SLC16A2: variants seen among roughly 807,000 people sequenced by gnomAD.
SLC16A2 encodes monocarboxylate transporter 8.
SLC16A2 carries 3 observed loss-of-function variants against 27.2 expected under a neutral mutation model. The observed-to-expected ratio is 0.11, with a 90% CI of 0.05 to 0.28. The LOEUF is 0.28. Ranked by LOEUF, SLC16A2 falls within the 10% of genes least tolerant of loss-of-function variation. The pLI, the probability that SLC16A2 is intolerant of heterozygous loss-of-function variation, is 1.00. For missense variants in SLC16A2, 295 were observed against 458.5 expected (o/e 0.64, Z 3.26); for synonymous variants, 202 against 187.8 (o/e 1.08, Z -0.62).
Position 74,453,063 on chromosome X carries a change from T to TC in SLC16A2, c.430+30996_430+30997insC, listed in dbSNP as rs1198707883. Among the ~76,000 whole-genome samples, 691 of 108,916 alleles carry TC rather than the reference T, an allele frequency of 6.3e-3. 2 individuals carry two copies. Among genetic ancestry groups the TC allele is most frequent in the African/African-American group, 0.022 (657 of 29,812 alleles). The allele number at this position is 108,916 out of a possible 115,157, so 94.6% of individuals were successfully genotyped here. A position where few individuals can be genotyped will look rare whatever the true frequency, so the allele number is the denominator to read the frequency against. ...TGCTGTGCAGGTTGCTTTTTTTTTT[T>TC]TTTAGACAGGGTCTCGCTCTGCCAC... On this transcript the variant is annotated intron_variant, in intron 1 of 5. Transcript: ENST00000587091.
intron 1 of SLC16A2, among the ~76,000 whole-genome samples, chrX:74,439,366 G>C (rs1412013737): frequency 3.0e-5 from 3 of 99,386 alleles, no homozygotes; most frequent in African/African-American, 1.1e-4. Flanking sequence ...CTGGAGTGCA[G>C]AGGTGTGATC....
At chrX:74,508,568 G>A (rs1930174924) in intron 1 of SLC16A2, among the ~76,000 whole-genome samples, 1 of 111,984 alleles carries the variant, frequency 8.9e-6, no homozygotes, top group Admixed American at 9.5e-5. Context: ...TAGCTTATTT[G>A]TTAGTTCTAG....
intron 1 of SLC16A2, among the ~76,000 whole-genome samples, chrX:74,428,877 T>A (rs1485486084): frequency 8.9e-6 from 1 of 111,945 alleles, no homozygotes; most frequent in Admixed American, 9.5e-5. Context: ...TCTTTTCAAA[T>A]CCTGACTATC....
chrX:74,447,930 G>T (rs770256998), intron 1 of SLC16A2, among the ~76,000 whole-genome samples: 38 of 111,025 alleles, frequency 3.4e-4, no homozygotes, highest in African/African-American at 1.2e-3. Flanking sequence ...AGGTTGCAGT[G>T]AGCTGAGATC....
intron 1 of SLC16A2, chrX:74,477,015 C>T: frequency 8.9e-6 from 1 of 112,165 alleles, no homozygotes; most frequent in South Asian, 3.7e-4. Flanking sequence ...GGAGGATTCC[C>T]TCTTTTTCTA....
At chrX:74,445,638 T>A (rs1404659759) in intron 1 of SLC16A2, among the ~76,000 whole-genome samples, 1 of 103,744 alleles carries the variant, frequency 9.6e-6, no homozygotes, top group African/African-American at 3.5e-5. Flanking sequence ...TAGCTCTTAC[T>A]GTTAGAGCTA....
In SLC16A2 at chrX:74,533,561, G is replaced by GAC. The variant is rs1930604996; in HGVS notation, c.*2008_*2009insAC. The GAC allele has an allele frequency of 1.8e-5, 2 of 112,593 alleles. No individual in the cohort carries two copies. The highest frequency in any genetic ancestry group is 3.8e-5 in the Non-Finnish European group (2 of 53,278). 9.3% of individuals were successfully genotyped at this position (112,593 alleles called of 1,213,427 possible). A position where few individuals can be genotyped will look rare whatever the true frequency, so the allele number is the denominator to read the frequency against. ...CACCAAGTCACCAGAGGGTGGTTCT[G>GAC]TAGGACCTCTTTTGTTGCTTAAGAT... On this transcript the variant is annotated 3_prime_UTR_variant, in exon 6 of 6. Coordinates refer to ENST00000587091, the MANE Select transcript of SLC16A2 (RefSeq NM_006517.5).
At chrX:74,436,920 C>T (rs1174412630) in intron 1 of SLC16A2, among the ~76,000 whole-genome samples, 1 of 112,212 alleles carries the variant, frequency 8.9e-6, no homozygotes, top group African/African-American at 3.2e-5. Flanking sequence ...ATGTTTTTCT[C>T]ATTTGATGGT....
At chrX:74,455,940 C>T (rs1018289223) in intron 1 of SLC16A2, among the ~76,000 whole-genome samples, 4 of 111,937 alleles carry the variant, frequency 3.6e-5, no homozygotes, top group African/African-American at 1.3e-4. Flanking sequence ...TTGAATGGCA[C>T]CCACTGTTCA....
At chrX:74,460,186 G>T (rs1057090109) in intron 1 of SLC16A2, among the ~76,000 whole-genome samples, 12 of 112,024 alleles carry the variant, frequency 1.1e-4, no homozygotes, top group African/African-American at 3.9e-4. Flanking sequence ...CAAGGGTCTT[G>T]GCTGCTGCAC....
At chrX:74,422,211 C>A in intron 1 of SLC16A2, 144 bp downstream of exon 1, 1 of 636,259 alleles carries the variant, frequency 1.6e-6, no homozygotes, top group Non-Finnish European at 2.5e-6. Context: ...TTGCCCCTTG[C>A]CCCTTTCCAT....
At chrX:74,449,971 T>C (rs1928908632) in intron 1 of SLC16A2, among the ~76,000 whole-genome samples, 1 of 112,320 alleles carries the variant, frequency 8.9e-6, no homozygotes, top group African/African-American at 3.2e-5. Context: ...CAGGGCACTA[T>C]AGACGACCAG....
intron 4 of SLC16A2, 147 bp downstream of exon 4, chrX:74,526,040 A>C (rs1241923293): frequency 1.5e-6 from 1 of 674,512 alleles, no homozygotes; most frequent in East Asian, 3.5e-5. Flanking sequence ...CCTGCTTTTA[A>C]ACAAAGAAAA....
At chrX:74,425,461 A>ATGAGCC (rs1928386886) in intron 1 of SLC16A2, among the ~76,000 whole-genome samples, 1 of 110,660 alleles carries the variant, frequency 9.0e-6, no homozygotes. Context: ...CAGGAGGGAA[A>ATGAGCC]TGAGCCTGTA....
chrX:74,421,558 G>C lies in SLC16A2; in HGVS notation c.-80G>C, dbSNP rs992231485. 8.9e-6 allele frequency: 10 copies of C among 1,123,544 alleles called. No individual in the cohort carries two copies. Among genetic ancestry groups the C allele is most frequent in the Admixed American group, 7.1e-5 (3 of 42,114 alleles). 92.6% of individuals were successfully genotyped at this position (1,123,544 alleles called of 1,213,427 possible). A position where few individuals can be genotyped will look rare whatever the true frequency, so the allele number is the denominator to read the frequency against. ...AGCGGCAGCAGCAGCCCTCCGAGCA[G>C]CAGCAGCTGCAGCAGCAGAAACAAG... On this transcript the variant is annotated 5_prime_UTR_variant, in exon 1 of 6. Coordinates refer to ENST00000587091, the MANE Select transcript of SLC16A2 (RefSeq NM_006517.5).
chrX:74,518,046 C>T (rs1278568629), intron 1 of SLC16A2, among the ~76,000 whole-genome samples: 2 of 111,316 alleles, frequency 1.8e-5, no homozygotes, highest in African/African-American at 3.3e-5. Flanking sequence ...GGGTTGTTTC[C>T]AGATTTGCAC....
At chrX:74,510,619 T>C (rs1308227697) in intron 1 of SLC16A2, among the ~76,000 whole-genome samples, 2 of 111,688 alleles carry the variant, frequency 1.8e-5, no homozygotes, top group Non-Finnish European at 3.8e-5. Context: ...CTCTGTAAAA[T>C]TAGTAACTGA....
At chrX:74,446,241 G>T (rs1002222913) in intron 1 of SLC16A2, among the ~76,000 whole-genome samples, 2 of 111,407 alleles carry the variant, frequency 1.8e-5, no homozygotes, top group African/African-American at 6.5e-5. Context: ...CCTCATCTGT[G>T]CTCCAGGTGC....
intron 1 of SLC16A2, among the ~76,000 whole-genome samples, chrX:74,439,186 T>TTCTTTTTC (rs1555981279): frequency 9.7e-4 from 50 of 51,483 alleles, no homozygotes; most frequent in African/African-American, 7.0e-3. Flanking sequence ...CTTTCTTTCT[T>TTCTTTTTC]TTTCTTTCTT....
Sources: gnomAD v4.1 joint callset for allele counts (sites outside exome capture counted in the v4.1 genomes callset) on GRCh38, gnomAD v4.1.1 for gene constraint, MANE v1.5 for transcripts, NCBI Gene and HGNC (gene_info 2026-07-23, HGNC 2026-07-21) for gene names.